SCFD2: variants seen among roughly 807,000 people sequenced by gnomAD.
SCFD2 encodes sec1 family domain-containing protein 2.
In SCFD2, 54 loss-of-function variants were observed where a neutral mutation model predicts 58.9. The observed-to-expected ratio is 0.92, with a 90% CI of 0.74 to 1.15. The LOEUF is 1.15. SCFD2 is among the 50% of genes most tolerant of loss of function. SCFD2 has a pLI of 0.00. For synonymous variants in SCFD2, 321 were observed against 335.9 expected, an observed-to-expected ratio of 0.96 and a Z score of 0.49; for missense variants, 805 against 836.6, an observed-to-expected ratio of 0.96 and a Z score of 0.47.
chr4:53,090,842 A>C (rs1246238711), intron 5 of SCFD2, among the ~76,000 whole-genome samples: 1 of 152,006 alleles, frequency 6.6e-6, no homozygotes, highest in African/African-American at 2.4e-5. Flanking sequence ...TCTTCACACC[A>C]CCCCTATGGG....
intron 5 of SCFD2, among the ~76,000 whole-genome samples, chr4:52,960,309 G>A (rs767822496): frequency 2.6e-5 from 4 of 151,804 alleles, no homozygotes; most frequent in South Asian, 2.1e-4. Context: ...TTAGTCATGC[G>A]GCCACCAGGC....
At chr4:53,090,028 T>C (rs927386874) in intron 5 of SCFD2, among the ~76,000 whole-genome samples, 1 of 152,194 alleles carries the variant, frequency 6.6e-6, no homozygotes, top group Non-Finnish European at 1.5e-5. Context: ...GCTTTGGTAA[T>C]AATAAAATGT....
intron 2 of SCFD2, among the ~76,000 whole-genome samples, chr4:53,328,196 G>A (rs1362434650): frequency 6.6e-6 from 1 of 151,802 alleles, no homozygotes; most frequent in East Asian, 1.9e-4. Context: ...ATGTATGTGT[G>A]TGTGTGTGTG....
chr4:53,179,799 G>C (rs1727480119), intron 4 of SCFD2, among the ~76,000 whole-genome samples: 1 of 152,172 alleles, frequency 6.6e-6, no homozygotes, highest in African/African-American at 2.4e-5. Context: ...TAAAGGAGTG[G>C]AGGAAGACCT....
At chr4:53,057,114 G>A (rs1723364284) in intron 5 of SCFD2, among the ~76,000 whole-genome samples, 1 of 152,164 alleles carries the variant, frequency 6.6e-6, no homozygotes, top group South Asian at 2.1e-4. Flanking sequence ...GAACCTGGGA[G>A]GTGGAGATTG....
chr4:53,141,879 A>G (rs1257993746), intron 5 of SCFD2, among the ~76,000 whole-genome samples: 1 of 152,128 alleles, frequency 6.6e-6, no homozygotes, highest in East Asian at 1.9e-4. Context: ...TGCTTTCTGT[A>G]TTATTATAGT....
chr4:52,970,869 T>C (rs1721082744), intron 5 of SCFD2, among the ~76,000 whole-genome samples: 1 of 152,182 alleles, frequency 6.6e-6, no homozygotes, highest in Non-Finnish European at 1.5e-5. Flanking sequence ...CAATATCCGC[T>C]GTTGTGCAGC....
chr4:52,969,126 G>A (rs1404625907), intron 5 of SCFD2, among the ~76,000 whole-genome samples: 3 of 152,020 alleles, frequency 2.0e-5, no homozygotes, highest in Non-Finnish European at 4.4e-5. Flanking sequence ...CCTCACCCGT[G>A]ATGTCTCCCC....
chr4:53,105,299 T>C (rs1012466248), intron 5 of SCFD2, among the ~76,000 whole-genome samples: 3 of 151,846 alleles, frequency 2.0e-5, no homozygotes, highest in African/African-American at 2.4e-5. Context: ...GAGTTTTTTT[T>C]CATACCCCAG....
chr4:53,030,444 A>T (rs146087193), intron 5 of SCFD2, among the ~76,000 whole-genome samples: 1 of 151,116 alleles, frequency 6.6e-6, no homozygotes, highest in Non-Finnish European at 1.5e-5. Flanking sequence ...TTTTTTTGAG[A>T]CAGAGTCTCA....
At chr4:53,144,647 G>A (rs1363744571) in intron 5 of SCFD2, among the ~76,000 whole-genome samples, 1 of 151,378 alleles carries the variant, frequency 6.6e-6, no homozygotes, top group Non-Finnish European at 1.5e-5. Flanking sequence ...AGTTTGAAAT[G>A]ACAATCTCAC....
At chr4:52,973,805 A>G (rs1200071769) in intron 5 of SCFD2, among the ~76,000 whole-genome samples, 2 of 152,252 alleles carry the variant, frequency 1.3e-5, no homozygotes, top group Non-Finnish European at 2.9e-5. Flanking sequence ...CAGCACATCA[A>G]AAAGCTTATC....
intron 4 of SCFD2, among the ~76,000 whole-genome samples, chr4:53,222,643 T>C (rs1166278079): frequency 4.0e-5 from 6 of 151,854 alleles, no homozygotes; most frequent in Non-Finnish European, 8.8e-5. Flanking sequence ...TTTTTCACTA[T>C]AATATTGATT....
chr4:53,352,203 A>T (rs1325933863), intron 2 of SCFD2, among the ~76,000 whole-genome samples: 1 of 152,230 alleles, frequency 6.6e-6, no homozygotes, highest in Non-Finnish European at 1.5e-5. Context: ...CTAATATAAA[A>T]AGATGGCATG....
intron 5 of SCFD2, chr4:52,956,347 A>T: frequency 2.5e-6 from 1 of 397,440 alleles, no homozygotes; most frequent in Non-Finnish European, 5.0e-6. Flanking sequence ...ACTATGTTAG[A>T]TAGGGCTTTT....
At position 52,885,871 on chromosome 4, in the gene SCFD2, A is replaced by G. The variant is rs1355771082; in HGVS notation, c.1843-5T>C. The stretch of plus-strand genomic sequence containing the variant: ...ACTAGGATGAGGCCGGCTCACCTGC[A>G]AAACAAAACACCAGCAATATCAGAT... On this transcript the variant is annotated splice_region_variant and splice_polypyrimidine_tract_variant and intron_variant, in intron 7 of 8. Coordinates refer to ENST00000401642, the MANE Select transcript of SCFD2 (RefSeq NM_152540.4). The G allele has an allele frequency of 1.2e-5, 20 of 1,613,956 alleles. No homozygotes were observed. The highest frequency in any genetic ancestry group is 1.6e-5 in the Non-Finnish European group (19 of 1,179,856).
At chr4:52,968,756 G>A (rs1421039868) in intron 5 of SCFD2, among the ~76,000 whole-genome samples, 2 of 152,186 alleles carry the variant, frequency 1.3e-5, no homozygotes, top group Non-Finnish European at 2.9e-5. Flanking sequence ...GGGTGCTGGT[G>A]TGTGTGCATG....
At chr4:52,888,467 T>C (rs1288347939) in intron 7 of SCFD2, among the ~76,000 whole-genome samples, 1 of 152,200 alleles carries the variant, frequency 6.6e-6, no homozygotes, top group African/African-American at 2.4e-5. Flanking sequence ...TTTCTTCCAA[T>C]CTGCATACCA....
At chr4:53,290,796 G>A (rs1731815118) in intron 3 of SCFD2, among the ~76,000 whole-genome samples, 1 of 151,976 alleles carries the variant, frequency 6.6e-6, no homozygotes, top group African/African-American at 2.4e-5. Flanking sequence ...AGAAACTGAA[G>A]GAATCATAAG....
Sources: gnomAD v4.1 joint callset for allele counts (sites outside exome capture counted in the v4.1 genomes callset) on GRCh38, gnomAD v4.1.1 for gene constraint, MANE v1.5 for transcripts, NCBI Gene and HGNC (gene_info 2026-07-23, HGNC 2026-07-21) for gene names.